The following SOD2 variants were observed in gnomAD, a reference collection of about 807,000 sequenced individuals.
The protein encoded by SOD2 is superoxide dismutase [Mn], mitochondrial.
SOD2 carries 11 observed loss-of-function variants against 27.0 expected under a neutral mutation model. That is an observed-to-expected ratio of 0.41 (90% CI 0.26 to 0.67). The LOEUF is 0.67. SOD2 is among the 30% of genes least tolerant of loss of function. The pLI is 0.34. For synonymous variants in SOD2, 105 were observed against 103.0 expected, an observed-to-expected ratio of 1.02 and a Z score of -0.12; for missense variants, 250 against 274.5, an observed-to-expected ratio of 0.91 and a Z score of 0.63.
In SOD2 at chr6:159,693,177, G is replaced by A; in HGVS notation, c.-10C>T. 6.5e-7 allele frequency: 1 copy of A among 1,528,858 alleles called. No homozygotes were observed. The highest frequency in any genetic ancestry group is 1.2e-5 in the South Asian group (1 of 81,762). 94.7% of individuals were successfully genotyped at this position (1,528,858 alleles called of 1,614,324 possible). A position where few individuals can be genotyped will look rare whatever the true frequency, so the allele number is the denominator to read the frequency against. Reference sequence around the variant, plus strand: ...CTGCCCGGCTCAACATGCTGCTAGTGCTGGTGCTACCGCTGATGCCGCCGA... The same window carrying A: ...CTGCCCGGCTCAACATGCTGCTAGTACTGGTGCTACCGCTGATGCCGCCGA... On this transcript the variant is annotated 5_prime_UTR_variant, in exon 1 of 5. Coordinates refer to ENST00000538183, the MANE Select transcript of SOD2 (RefSeq NM_000636.4).
chr6:159,713,213 T>C, intron 1 of SOD2: 2 of 909,072 alleles, frequency 2.2e-6, no homozygotes, highest in Non-Finnish European at 3.4e-6. Context: ...ATTGCGGTCT[T>C]TTCCAAATCT....
rs1010029782 is a variant in SOD2 at position 159,674,365 on chromosome 6, G to A, written c.*8128C>T. 2 of 152,204 alleles carry A rather than the reference G, an allele frequency of 1.3e-5. No individual in the cohort carries two copies. Among genetic ancestry groups the A allele is most frequent in the African/African-American group, 4.8e-5 (2 of 41,450 alleles). 9.4% of individuals were successfully genotyped at this position (152,204 alleles called of 1,614,324 possible). A position where few individuals can be genotyped will look rare whatever the true frequency, so the allele number is the denominator to read the frequency against. ...ATCCTCAATAAAATACTGGCAAACT[G>A]AATCCAGCAGCATATCAAAAAGCTT... On this transcript the variant is annotated 3_prime_UTR_variant, in exon 5 of 5. Coordinates refer to ENST00000538183, the MANE Select transcript of SOD2 (RefSeq NM_000636.4).
At chr6:159,736,233 T>C in intron 1 of SOD2, 1 of 1,587,198 alleles carries the variant, frequency 6.3e-7, no homozygotes, top group Non-Finnish European at 8.6e-7. Flanking sequence ...AAATTGAACT[T>C]GTTTTCCGCA....
Position 159,672,508 on chromosome 6 carries a change from G to A in SOD2, c.*9985C>T, listed in dbSNP as rs1352752307. 1 of 152,098 alleles carries A rather than the reference G, an allele frequency of 6.6e-6. No homozygotes were observed. Among genetic ancestry groups the A allele is most frequent in the African/African-American group, 2.4e-5 (1 of 41,394 alleles). The allele number at this position is 152,098 out of a possible 1,614,324, so 9.4% of individuals were successfully genotyped here. A position where few individuals can be genotyped will look rare whatever the true frequency, so the allele number is the denominator to read the frequency against. ...AGCCAAACTAAGCTTCATAAGTGAA[G>A]GAGAAATAAAATCCTTTACAAACAA... is the stretch of plus-strand genomic sequence containing the variant. On this transcript the variant is annotated 3_prime_UTR_variant, in exon 5 of 5. Coordinates refer to ENST00000538183, the MANE Select transcript of SOD2 (RefSeq NM_000636.4).
Position 159,711,804 on chromosome 6 carries a change from A to C in SOD2, c.-116+15325T>G, listed in dbSNP as rs878863124. 1.3e-3 allele frequency among the ~76,000 whole-genome samples: 120 copies of C among 90,926 alleles called. 1 individual carries two copies. The highest frequency in any genetic ancestry group is 1.8e-3 in the East Asian group (4 of 2,234). The allele number at this position is 90,926 out of a possible 152,430, so 59.7% of individuals were successfully genotyped here. A position where few individuals can be genotyped will look rare whatever the true frequency, so the allele number is the denominator to read the frequency against. On this transcript the variant is annotated intron_variant, in intron 1 of 2. Transcript: ENST00000401980. ...CACCACTCACATTGCTCTGATCACC[A>C]TAACCACCTCCATAACCACCACTCA...
chr6:159,693,887 A>T (rs1422798971), upstream of SOD2, among the ~76,000 whole-genome samples: 1 of 152,350 alleles, frequency 6.6e-6, no homozygotes, highest in East Asian at 1.9e-4. Context: ...CAGGAGGCAC[A>T]CAGACTTTGT....
intron 1 of SOD2, among the ~76,000 whole-genome samples, chr6:159,716,367 A>G (rs1777921320): frequency 6.6e-6 from 1 of 152,228 alleles, no homozygotes; most frequent in African/African-American, 2.4e-5. Flanking sequence ...TTCATTTTCC[A>G]ACTTGTTGCC....
upstream of SOD2, chr6:159,727,574 T>C (rs1778267774): frequency 1.0e-6 from 1 of 986,844 alleles, no homozygotes; most frequent in African/African-American, 1.8e-5. Flanking sequence ...GCGGCGGGAC[T>C]AGGAGCGCGG....
In SOD2 at chr6:159,684,968, C is replaced by G; in HGVS notation, c.409G>C (p.Ala137Pro). Residue 137 changes from alanine (A) to proline (P), a missense_variant, in exon 4 of 5, where the codon GCT becomes CCT. Physicochemically the swap from Ala to Pro is conservative, Grantham distance 27 (BLOSUM62 -1). Coordinates refer to ENST00000538183, the MANE Select transcript of SOD2 (RefSeq NM_000636.4). ...GAGCCTTGGACACCAACAGATGCAGCCGTCAGCTTCTCCTTAAACTTGTCA... is the reference window on the plus strand; with the variant it reads ...GAGCCTTGGACACCAACAGATGCAGGCGTCAGCTTCTCCTTAAACTTGTCA... ...SFDKFKEKLT[A>P]ASVGVQGSGW... is the part of the protein sequence containing the mutation. 3 of 1,613,580 alleles carry G rather than the reference C, an allele frequency of 1.9e-6. No individual in the cohort carries two copies. The highest frequency in any genetic ancestry group is 2.5e-6 in the Non-Finnish European group (3 of 1,179,774).
chr6:159,693,575 C>T (rs568949940), upstream of SOD2, among the ~76,000 whole-genome samples: 28 of 152,336 alleles, frequency 1.8e-4, no homozygotes, highest in East Asian at 4.6e-3. Context: ...CTGCCTCCGG[C>T]TCCGCCCCTG....
At chr6:159,694,630 CTG>C (rs1349569897), upstream of SOD2, among the ~76,000 whole-genome samples, 2 of 152,106 alleles carry the variant, frequency 1.3e-5, no homozygotes, top group Non-Finnish European at 2.9e-5. Flanking sequence ...CAGCCTCGCT[CTG>C]TCGCTCAGGC....
Position 159,692,710 on chromosome 6 carries a change from C to G in SOD2, c.177G>C (p.Val59=). 1 of 1,614,128 alleles carries G rather than the reference C, an allele frequency of 6.2e-7. No homozygotes were observed. The highest frequency in any genetic ancestry group is 2.2e-5 in the East Asian group (1 of 44,858). Reference sequence around the variant, plus strand: ...TCTCCTCGGTGACGTTCAGGTTGTTCACGTAGGCCGCGTGGTGCTTGCTGT... The same window carrying G: ...TCTCCTCGGTGACGTTCAGGTTGTTGACGTAGGCCGCGTGGTGCTTGCTGT... ...LHHSKHHAAY[V]NNLNVTEEKY... The change falls in exon 2 of 5, where the codon GTG becomes GTC. Residue 59 remains valine (V), a synonymous_variant. Coordinates refer to ENST00000538183, the MANE Select transcript of SOD2 (RefSeq NM_000636.4).
At chr6:159,727,477 G>A (rs972543999), upstream of SOD2, 44 of 993,908 alleles carry the variant, frequency 4.4e-5, no homozygotes, top group Admixed American at 6.2e-5. Context: ...CGTGCGGCGG[G>A]GCGGGGCCGG....
Position 159,681,397 on chromosome 6 carries a change from C to T in SOD2, c.*1096G>A, listed in dbSNP as rs1779958379. On this transcript the variant is annotated 3_prime_UTR_variant, in exon 5 of 5. Transcript: ENST00000538183. The stretch of plus-strand genomic sequence containing the variant: ...AACCCAGACCCCCACCAAATGGATT[C>T]ACACAGACGTCAGATAAGGGGGAAC... 1 of 152,366 alleles carries T rather than the reference C, an allele frequency of 6.6e-6. No individual in the cohort carries two copies. The highest frequency in any genetic ancestry group is 2.4e-5 in the African/African-American group (1 of 41,450). 9.4% of individuals were successfully genotyped at this position (152,366 alleles called of 1,614,324 possible).
At position 159,692,498 on chromosome 6, in the gene SOD2, T is replaced by C. The variant is rs747211355; in HGVS notation, c.226+163A>G. 2.1e-5 allele frequency: 30 copies of C among 1,454,398 alleles called. No homozygotes were observed. In the Middle Eastern group the frequency reaches 1.6e-3, roughly 78 times the overall value. The allele number at this position is 1,454,398 out of a possible 1,614,324, so 90.1% of individuals were successfully genotyped here. A position where few individuals can be genotyped will look rare whatever the true frequency, so the allele number is the denominator to read the frequency against. On this transcript the variant is annotated intron_variant, in intron 2 of 4. Coordinates refer to ENST00000538183, the MANE Select transcript of SOD2 (RefSeq NM_000636.4). Reference sequence around the variant, plus strand: ...TCGAGGCACTCCTTCTACAATGAGGTAGACCATGTGTTTAAAAGAGAGACT... The same window carrying C: ...TCGAGGCACTCCTTCTACAATGAGGCAGACCATGTGTTTAAAAGAGAGACT...
intron 1 of SOD2, among the ~76,000 whole-genome samples, chr6:159,757,859 C>T (rs1218457505): frequency 1.3e-5 from 2 of 152,168 alleles, no homozygotes; most frequent in Non-Finnish European, 2.9e-5. Flanking sequence ...CCAATTTAAA[C>T]AAAAATGTAA....
intron 3 of SOD2, 100 bp downstream of exon 3, chr6:159,688,026 C>A (rs56240886): frequency 6.6e-6 from 5 of 756,270 alleles, no homozygotes; most frequent in Admixed American, 4.5e-5. Flanking sequence ...AAAACAACAA[C>A]AAAAAAAACA....
In SOD2 at chr6:159,741,177, T is replaced by C. The variant is rs559269470; in HGVS notation, c.-116+3953A>G. Among the ~76,000 whole-genome samples the C allele has an allele frequency of 1.4e-3, 207 of 152,230 alleles. 2 individuals carry two copies. Among genetic ancestry groups the C allele is most frequent in the African/African-American group, 4.8e-3 (200 of 41,546 alleles). ...TCCATTAGGAACTGCCTAATAAGAC[T>C]AGGAAAAATCTTTATTGCTAAGAGG... On this transcript the variant is annotated intron_variant, in intron 1 of 3. Coordinates refer to the SOD2 transcript ENST00000537657.
At position 159,739,377 on chromosome 6, in the gene SOD2, G is replaced by A. The variant is rs1779105943; in HGVS notation, c.-116+5753C>T. ...GAAATACATAATTTACTAATGAAGT[G>A]AGGTTACTTTTTCTTATTAGTGTGA... On this transcript the variant is annotated intron_variant, in intron 1 of 3. Coordinates refer to the SOD2 transcript ENST00000537657. Among the ~76,000 whole-genome samples the A allele has an allele frequency of 3.3e-5, 5 of 152,280 alleles. No individual in the cohort carries two copies. In the South Asian group the frequency reaches 1.0e-3, roughly 32 times the overall value.
Sources: gnomAD v4.1 joint callset for allele counts (sites outside exome capture counted in the v4.1 genomes callset) on GRCh38, gnomAD v4.1.1 for gene constraint, MANE v1.5 for transcripts, NCBI Gene and HGNC (gene_info 2026-07-23, HGNC 2026-07-21) for gene names.